The following PDK1 variants were observed in gnomAD, a reference collection of about 807,000 sequenced individuals.
PDK1 encodes [Pyruvate dehydrogenase (acetyl-transferring)] kinase isozyme 1, mitochondrial.
In PDK1, 39 loss-of-function variants were observed where a neutral mutation model predicts 54.2. That is an observed-to-expected ratio of 0.72 (90% CI 0.56 to 0.94). The LOEUF is 0.94. Ranked by LOEUF, PDK1 falls within the 40% of genes least tolerant of loss-of-function variation. PDK1 has a pLI of 0.00. For missense variants in PDK1, 552 were observed against 566.0 expected (o/e 0.98, Z 0.25); for synonymous variants, 221 against 207.1 (o/e 1.07, Z -0.58).
the PDK1 span, among the ~76,000 whole-genome samples, chr2:172,684,587 C>A: frequency 6.6e-6 from 1 of 152,086 alleles, no homozygotes; most frequent in Non-Finnish European, 1.5e-5. Flanking sequence ...GGGATCAGTG[C>A]CCCAGTGACT....
the PDK1 span, among the ~76,000 whole-genome samples, chr2:172,632,338 A>G: frequency 6.6e-6 from 1 of 152,216 alleles, no homozygotes; most frequent in Non-Finnish European, 1.5e-5. Context: ...TTATAGATTA[A>G]TATAGGAAAA....
Position 172,595,870 on chromosome 2 carries a change from C to CA in PDK1, c.1215dup (p.Ala406SerfsTer13). On this transcript the variant is annotated frameshift_variant, in exon 11 of 11. Coordinates refer to ENST00000282077, the MANE Select transcript of PDK1 (RefSeq NM_002610.5). LOFTEE classifies it high-confidence loss of function. ...CAATAGAAAGACTCCCAGTGTATAA[C>CA]AAAGCTGCCTGGAAGCATTACAACA... 1 of 1,613,766 alleles carries CA rather than the reference C, an allele frequency of 6.2e-7. No homozygotes were observed. Among genetic ancestry groups the CA allele is most frequent in the Non-Finnish European group, 8.5e-7 (1 of 1,179,746 alleles).
chr2:172,565,715 A>G (rs983385482), intron 5 of PDK1, among the ~76,000 whole-genome samples: 2 of 152,200 alleles, frequency 1.3e-5, no homozygotes, highest in African/African-American at 2.4e-5. Context: ...ACTTTTTTCT[A>G]TTTATACCAC....
the PDK1 span, among the ~76,000 whole-genome samples, chr2:172,666,495 C>T: frequency 2.0e-4 from 31 of 152,166 alleles, no homozygotes; most frequent in Non-Finnish European, 3.5e-4. Flanking sequence ...TTATCCCTGA[C>T]GCAGGTAGCC....
At chr2:172,645,123 T>G in the PDK1 span, among the ~76,000 whole-genome samples, 2 of 152,110 alleles carry the variant, frequency 1.3e-5, no homozygotes, top group African/African-American at 2.4e-5. Flanking sequence ...TTAGCTGTGA[T>G]GAGAGTATTT....
chr2:172,586,011 T>C (rs1467556156), intron 8 of PDK1, among the ~76,000 whole-genome samples: 1 of 151,920 alleles, frequency 6.6e-6, no homozygotes, highest in African/African-American at 2.4e-5. Flanking sequence ...TAAAAAAAAT[T>C]AGCCGGGCAT....
chr2:172,584,219 TC>T, intron 8 of PDK1, among the ~76,000 whole-genome samples: 1 of 152,270 alleles, frequency 6.6e-6, no homozygotes, highest in Non-Finnish European at 1.5e-5. Flanking sequence ...ACTGTTTTTT[TC>T]CTGTTAAAGT....
intron 8 of PDK1, among the ~76,000 whole-genome samples, chr2:172,580,340 A>C (rs1689836399): frequency 6.6e-6 from 1 of 150,574 alleles, no homozygotes; most frequent in African/African-American, 2.4e-5. Flanking sequence ...GAAAAGACCC[A>C]TTGGTCTTCT....
At chr2:172,720,834 G>T in the PDK1 span, among the ~76,000 whole-genome samples, 3 of 152,134 alleles carry the variant, frequency 2.0e-5, no homozygotes, top group African/African-American at 7.2e-5. Flanking sequence ...TGTTCCTTGA[G>T]AAAGCATCTA....
chr2:172,684,780 G>T, the PDK1 span, among the ~76,000 whole-genome samples: 5 of 152,106 alleles, frequency 3.3e-5, no homozygotes, highest in Non-Finnish European at 5.9e-5. Context: ...TTCACCAATT[G>T]CTGACGATTT....
rs1049943717 is a variant in PDK1 at position 172,606,929 on chromosome 2, C to T, written c.*10960C>T. 2.0e-5 allele frequency: 3 copies of T among 152,006 alleles called. No individual in the cohort carries two copies. The highest frequency in any genetic ancestry group is 4.4e-5 in the Non-Finnish European group (3 of 68,004). 9.4% of individuals were successfully genotyped at this position (152,006 alleles called of 1,614,324 possible). ...AACAGTGGTAGTTTCTCTATCATGC[C>T]ACTTTTGTAGCATGCTTTGGGGTCT... On this transcript the variant is annotated 3_prime_UTR_variant, in exon 11 of 11. Coordinates refer to ENST00000282077, the MANE Select transcript of PDK1 (RefSeq NM_002610.5).
chr2:172,653,184 G>A, the PDK1 span, among the ~76,000 whole-genome samples: 2 of 152,238 alleles, frequency 1.3e-5, no homozygotes, highest in Admixed American at 1.3e-4. Flanking sequence ...ACAACCATCT[G>A]ATCTTTCACA....
At chr2:172,716,248 T>C in the PDK1 span, among the ~76,000 whole-genome samples, 3 of 127,720 alleles carry the variant, frequency 2.3e-5, no homozygotes, top group African/African-American at 9.3e-5. Flanking sequence ...GGACTACACA[T>C]TCACCTTCAT....
chr2:172,704,803 A>C, the PDK1 span, among the ~76,000 whole-genome samples: 1 of 152,014 alleles, frequency 6.6e-6, no homozygotes, highest in East Asian at 1.9e-4. Context: ...TAAGTGAAGA[A>C]ATGGTCACAT....
rs1691009692 is a variant in PDK1 at position 172,598,764 on chromosome 2, A to G, written c.*2795A>G. On this transcript the variant is annotated 3_prime_UTR_variant, in exon 11 of 11. Transcript: ENST00000282077. Reference sequence around the variant, plus strand: ...TTTTATAAAATGTTTTCTGTATGGCAATAAACTGAAAACATGGATCAACCC... The same window carrying G: ...TTTTATAAAATGTTTTCTGTATGGCGATAAACTGAAAACATGGATCAACCC... The G allele has an allele frequency of 6.6e-6, 1 of 152,234 alleles. No individual in the cohort carries two copies. Among genetic ancestry groups the G allele is most frequent in the Non-Finnish European group, 1.5e-5 (1 of 68,030 alleles). 9.4% of individuals were successfully genotyped at this position (152,234 alleles called of 1,614,324 possible).
At position 172,602,809 on chromosome 2, in the gene PDK1, T is replaced by C. The variant is rs1691157704; in HGVS notation, c.*6840T>C. On this transcript the variant is annotated 3_prime_UTR_variant, in exon 11 of 11. Transcript: ENST00000282077. ...CTGCTTTGGTGTGGCAAATCTTCCT[T>C]TGGAGAAAAAGGTCCCTTTAATCTT... The C allele has an allele frequency of 6.6e-6, 1 of 152,092 alleles. No homozygotes were observed. The highest frequency in any genetic ancestry group is 1.5e-5 in the Non-Finnish European group (1 of 68,010). The allele number at this position is 152,092 out of a possible 1,614,324, so 9.4% of individuals were successfully genotyped here.
At chr2:172,674,078 AT>A in the PDK1 span, 6 of 152,238 alleles carry the variant, frequency 3.9e-5, no homozygotes, top group East Asian at 1.2e-3. Flanking sequence ...TTGACTAACA[AT>A]TTATTGTGAG....
At chr2:172,585,734 C>T (rs978205897) in intron 8 of PDK1, among the ~76,000 whole-genome samples, 8 of 151,984 alleles carry the variant, frequency 5.3e-5, no homozygotes, top group African/African-American at 1.7e-4. Context: ...ATGAGACTCC[C>T]GGAAATATAC....
At position 172,608,627 on chromosome 2, in the gene PDK1, C is replaced by G. The variant is rs149318478; in HGVS notation, c.*12658C>G. ...TTTGAATTGTATCTCTCTCCTTATT[C>G]CATTTTCTTCTGTTTGATTAAAATC... On this transcript the variant is annotated 3_prime_UTR_variant, in exon 11 of 11. Transcript: ENST00000282077. 2 of 152,192 alleles carry G rather than the reference C, an allele frequency of 1.3e-5. No individual in the cohort carries two copies. The highest frequency in any genetic ancestry group is 4.8e-5 in the African/African-American group (2 of 41,516). The allele number at this position is 152,192 out of a possible 1,614,324, so 9.4% of individuals were successfully genotyped here. A position where few individuals can be genotyped will look rare whatever the true frequency, so the allele number is the denominator to read the frequency against.
Sources: gnomAD v4.1 joint callset for allele counts (sites outside exome capture counted in the v4.1 genomes callset) on GRCh38, gnomAD v4.1.1 for gene constraint, MANE v1.5 for transcripts, NCBI Gene and HGNC (gene_info 2026-07-23, HGNC 2026-07-21) for gene names.